The following VCL variants were observed in gnomAD, a reference collection of about 807,000 sequenced individuals.
The protein encoded by VCL is epididymis luminal protein 114.
A neutral mutation model predicts 125.7 loss-of-function variants in VCL; 47 were observed. That is an observed-to-expected ratio of 0.37 (90% CI 0.30 to 0.48). VCL has a LOEUF of 0.48. VCL is among the 20% of genes least tolerant of loss of function. The pLI is 0.99. For missense variants in VCL, 1,069 were observed against 1,455.5 expected (o/e 0.73, Z 4.32); for synonymous variants, 458 against 514.6 (o/e 0.89, Z 1.49).
intron 16 of VCL, among the ~76,000 whole-genome samples, chr10:74,106,170 C>T (rs183698455): frequency 2.6e-5 from 4 of 152,204 alleles, no homozygotes; most frequent in African/African-American, 9.6e-5. Flanking sequence ...GATCCACCCG[C>T]CTTGGCCTCC....
chr10:74,052,936 G>GAAAA (rs57330455), intron 2 of VCL, among the ~76,000 whole-genome samples: 46 of 142,556 alleles, frequency 3.2e-4, no homozygotes, highest in African/African-American at 1.2e-3. Context: ...TGGCTGTGAT[G>GAAAA]AAAAAAAAAA....
chr10:74,095,553 T>C (rs1452910816), intron 11 of VCL, 103 bp from the exon 12 acceptor site: 9 of 1,481,130 alleles, frequency 6.1e-6, no homozygotes, highest in Non-Finnish European at 9.3e-7. Flanking sequence ...TCCACTGCAC[T>C]CCAGCTTGGG....
intron 1 of VCL, among the ~76,000 whole-genome samples, chr10:74,010,374 A>G (rs1043715548): frequency 2.6e-5 from 4 of 152,334 alleles, no homozygotes; most frequent in East Asian, 1.9e-4. Context: ...ACAGTATACT[A>G]TTAGTAATCA....
At chr10:74,111,546 T>C (rs1840217972) in intron 18 of VCL, among the ~76,000 whole-genome samples, 1 of 152,222 alleles carries the variant, frequency 6.6e-6, no homozygotes, top group Admixed American at 6.5e-5. Flanking sequence ...TATCGTTTGG[T>C]TGTTTGGCTC....
At chr10:74,113,950 C>T (rs1021942627) in intron 19 of VCL, among the ~76,000 whole-genome samples, 1 of 152,064 alleles carries the variant, frequency 6.6e-6, no homozygotes, top group Non-Finnish European at 1.5e-5. Flanking sequence ...TCCCCCTCCT[C>T]TCTCCTCTCT....
intron 8 of VCL, among the ~76,000 whole-genome samples, chr10:74,088,633 A>G (rs940426668): frequency 2.6e-5 from 4 of 152,206 alleles, no homozygotes; most frequent in Admixed American, 6.5e-5. Context: ...CCTTCACTAT[A>G]TAAGTTAGAA....
intron 2 of VCL, among the ~76,000 whole-genome samples, chr10:74,049,195 CATT>C (rs1841252073): frequency 1.3e-5 from 2 of 152,052 alleles, no homozygotes; most frequent in Admixed American, 6.6e-5. Flanking sequence ...CATTCCTTCT[CATT>C]ATGTTTTTTT....
At position 74,119,266 on chromosome 10, in the gene VCL, TAAGA is replaced by T. The variant is rs1049548069; in HGVS notation, c.*1102_*1105del. On this transcript the variant is annotated 3_prime_UTR_variant, in exon 22 of 22. Coordinates refer to ENST00000211998, the MANE Select transcript of VCL (RefSeq NM_014000.3). ...AAAAGATCCTTTTTAAATTCAGTCC[TAAGA>T]AAGAGGAGTGCTTGTCCCCTAAGAG... 1 of 152,632 alleles carries T rather than the reference TAAGA, an allele frequency of 6.6e-6. No homozygotes were observed. The highest frequency in any genetic ancestry group is 2.4e-5 in the African/African-American group (1 of 41,462). The allele number at this position is 152,632 out of a possible 1,614,324, so 9.5% of individuals were successfully genotyped here. A position where few individuals can be genotyped will look rare whatever the true frequency, so the allele number is the denominator to read the frequency against.
At chr10:74,068,777 G>A (rs1488775930) in intron 2 of VCL, among the ~76,000 whole-genome samples, 3 of 152,154 alleles carry the variant, frequency 2.0e-5, no homozygotes, top group Admixed American at 6.6e-5. Flanking sequence ...TTTACATACA[G>A]AGGAAATACA....
chr10:74,096,163 T>C (rs1473616608), intron 12 of VCL, among the ~76,000 whole-genome samples: 2 of 151,982 alleles, frequency 1.3e-5, no homozygotes, highest in Non-Finnish European at 2.9e-5. Flanking sequence ...TTTTTTTTTT[T>C]TTAAATGGAC....
chr10:74,052,416 G>T (rs1841317931), intron 2 of VCL, among the ~76,000 whole-genome samples: 1 of 131,470 alleles, frequency 7.6e-6, no homozygotes. Context: ...TCACTCTGTA[G>T]CACAAGTTGG....
chr10:74,066,572 A>T (rs1841574572), intron 2 of VCL, among the ~76,000 whole-genome samples: 2 of 152,256 alleles, frequency 1.3e-5, no homozygotes, highest in South Asian at 4.2e-4. Context: ...AAATCAAGAA[A>T]ATAATTAACA....
intron 1 of VCL, among the ~76,000 whole-genome samples, chr10:74,033,946 A>ACTG (rs1840929021): frequency 6.6e-6 from 1 of 151,934 alleles, no homozygotes; most frequent in Non-Finnish European, 1.5e-5. Context: ...CTCCATTCAC[A>ACTG]CTGCTGCTGC....
rs1422077534 is a variant in VCL at position 74,119,221 on chromosome 10, G to A, written c.*1052G>A. On this transcript the variant is annotated 3_prime_UTR_variant, in exon 22 of 22. Coordinates refer to ENST00000211998, the MANE Select transcript of VCL (RefSeq NM_014000.3). ...AACAAGATTTTAAAGACATGTAGGT[G>A]TTTGTTCATCTGTAACTCTAAAAGA... 6.5e-6 allele frequency: 1 copy of A among 152,678 alleles called. No individual in the cohort carries two copies. The highest frequency in any genetic ancestry group is 2.4e-5 in the African/African-American group (1 of 41,470). 9.5% of individuals were successfully genotyped at this position (152,678 alleles called of 1,614,324 possible).
At position 74,070,878 on chromosome 10, in the gene VCL, T is replaced by G. The variant is rs952529735; in HGVS notation, c.390+58T>G. ...AAGATAATAATGGAAGATTGATGAT[T>G]GTTTAGAATGAAAATATGTTGAATG... On this transcript the variant is annotated intron_variant, in intron 3 of 21. Coordinates refer to ENST00000211998, the MANE Select transcript of VCL (RefSeq NM_014000.3). The G allele has an allele frequency of 6.2e-6, 10 of 1,612,360 alleles. No individual in the cohort carries two copies. The African/African-American group carries it at 1.2e-4, about 19-fold the overall frequency.
chr10:74,046,523 A>T (rs897951607), intron 2 of VCL, among the ~76,000 whole-genome samples: 6 of 152,228 alleles, frequency 3.9e-5, no homozygotes, highest in African/African-American at 1.4e-4. Flanking sequence ...GAGTACCGGC[A>T]TGAGCCACTG....
intron 1 of VCL, among the ~76,000 whole-genome samples, chr10:74,033,088 T>C (rs778562028): frequency 2.6e-5 from 4 of 152,236 alleles, no homozygotes; most frequent in Non-Finnish European, 5.9e-5. Context: ...CTAATGTTTA[T>C]AGCAGCATTA....
At chr10:74,014,515 A>G (rs890048278) in intron 1 of VCL, among the ~76,000 whole-genome samples, 19 of 151,322 alleles carry the variant, frequency 1.3e-4, no homozygotes, top group Non-Finnish European at 1.0e-4. Context: ...GATTACAGGC[A>G]TGAGCCACTA....
chr10:74,083,282 T>C (rs924818004), intron 7 of VCL, 84 bp from the exon 8 acceptor site: 2 of 1,561,022 alleles, frequency 1.3e-6, no homozygotes, highest in Non-Finnish European at 1.8e-6. Context: ...ATCCATTCCT[T>C]GGTGAATGAA....
Sources: allele counts gnomAD v4.1 joint callset (sites outside exome capture counted in the v4.1 genomes callset), GRCh38; gene constraint gnomAD v4.1.1; transcripts MANE v1.5; gene names NCBI Gene and HGNC (gene_info 2026-07-23, HGNC 2026-07-21).